The following ZPBP2 variants were observed in gnomAD, a reference collection of about 807,000 sequenced individuals.
ZPBP2 encodes the protein zona pellucida binding protein 2, also known as zona pellucida-binding protein 2.
ZPBP2 carries 34 observed loss-of-function variants against 37.5 expected under a neutral mutation model. That is an observed-to-expected ratio of 0.91 (90% CI 0.69 to 1.21). The LOEUF is 1.21. ZPBP2 is among the 50% of genes most tolerant of loss of function. The probability of loss-of-function intolerance (pLI) is 0.00; values close to 1 mark genes in which losing one functional copy is unlikely to be tolerated. For missense variants in ZPBP2, 397 were observed against 413.5 expected (o/e 0.96, Z 0.35); for synonymous variants, 143 against 138.4 (o/e 1.03, Z -0.23).
Position 39,876,903 on chromosome 17 carries a change from A to G in ZPBP2, c.*94A>G. 2.0e-6 allele frequency: 3 copies of G among 1,498,110 alleles called. No individual in the cohort carries two copies. The highest frequency in any genetic ancestry group is 2.7e-6 in the Non-Finnish European group (3 of 1,093,842). The allele number at this position is 1,498,110 out of a possible 1,614,324, so 92.8% of individuals were successfully genotyped here. A position where few individuals can be genotyped will look rare whatever the true frequency, so the allele number is the denominator to read the frequency against. ...ATAGATAGTTCCATTAAGTAAAATC[A>G]GTAAGACCAAACCACTGGAAAACAT... is the stretch of plus-strand genomic sequence containing the variant. On this transcript the variant is annotated 3_prime_UTR_variant, in exon 8 of 8. Coordinates refer to ENST00000348931, the MANE Select transcript of ZPBP2 (RefSeq NM_199321.3).
At chr17:39,869,743 C>T (rs1238918844) in intron 2 of ZPBP2, among the ~76,000 whole-genome samples, 5 of 130,880 alleles carry the variant, frequency 3.8e-5, no homozygotes, top group African/African-American at 8.7e-5. Flanking sequence ...GACAGCATCT[C>T]GCTCCATTGC....
chr17:39,870,875 T>C, intron 3 of ZPBP2, 56 bp downstream of exon 3: 1 of 1,312,446 alleles, frequency 7.6e-7, no homozygotes, highest in Non-Finnish European at 1.0e-6. Flanking sequence ...TTTTAGAAAA[T>C]CACTGTTACT....
chr17:39,873,059 CG>C lies in ZPBP2; in HGVS notation c.645del (p.Trp216GlyfsTer26). The C allele has an allele frequency of 6.2e-7, 1 of 1,610,608 alleles. No homozygotes were observed. Among genetic ancestry groups the C allele is most frequent in the Non-Finnish European group, 8.5e-7 (1 of 1,178,640 alleles). ...TTCTCTTCAGTTAATCCTTTTGCGC[CG>C]GGGTGGAAAGGTGCTTGCAATGGAT... is the stretch of plus-strand genomic sequence containing the variant. Reference protein sequence around the residue: ...FIAFQVNPFAPGWKGACNGSV... With the variant: ...FIAFQVNPFAXGWKGACNGSV... On this transcript the variant is annotated frameshift_variant, in exon 6 of 8. Coordinates refer to ENST00000348931, the MANE Select transcript of ZPBP2 (RefSeq NM_199321.3). LOFTEE classifies it high-confidence loss of function.
Position 39,876,692 on chromosome 17 carries a change from TC to T in ZPBP2, c.902del (p.Pro301LeufsTer10). 6.2e-7 allele frequency: 1 copy of T among 1,613,892 alleles called. No homozygotes were observed. Among genetic ancestry groups the T allele is most frequent in the Non-Finnish European group, 8.5e-7 (1 of 1,179,860 alleles). ...TGTTTTCCTCTGCAGTGGTTTGTAGTCCTGCGACTTTTAGTCCTGATGTTAA... is the reference window on the plus strand; with the variant it reads ...TGTTTTCCTCTGCAGTGGTTTGTAGTCTGCGACTTTTAGTCCTGATGTTAA... ...NCASCCVVCS[P>X]ATFSPDVNVT... On this transcript the variant is annotated frameshift_variant, in exon 8 of 8. Coordinates refer to ENST00000348931, the MANE Select transcript of ZPBP2 (RefSeq NM_199321.3). LOFTEE classifies it high-confidence loss of function.
At chr17:39,875,593 AT>A (rs71152615) in intron 7 of ZPBP2, among the ~76,000 whole-genome samples, 159 bp downstream of exon 7, 11,912 of 146,050 alleles carry the variant, frequency 0.082, 1,423 homozygotes, top group African/African-American at 0.27. Flanking sequence ...CAAAGCCCCA[AT>A]TTTTTTTTTT....
intron 2 of ZPBP2, among the ~76,000 whole-genome samples, chr17:39,869,636 C>T (rs2063352786): frequency 6.6e-6 from 1 of 151,098 alleles, no homozygotes; most frequent in Non-Finnish European, 1.5e-5. Flanking sequence ...AACTTCTGAC[C>T]TCAGGTGATC....
rs1249621790 is a variant in ZPBP2, at chr17:39,877,213, CAAA to C, written c.*408_*410del. On this transcript the variant is annotated 3_prime_UTR_variant, in exon 8 of 8. Coordinates refer to ENST00000348931, the MANE Select transcript of ZPBP2 (RefSeq NM_199321.3). ...GTGTATATTATCTTTGTATTAGAACCAAAAAAGTTATTTATTTTGGTCCCTATG... is the reference window on the plus strand; with the variant it reads ...GTGTATATTATCTTTGTATTAGAACCAAAGTTATTTATTTTGGTCCCTATG... 6.5e-6 allele frequency: 1 copy of C among 153,572 alleles called. No individual in the cohort carries two copies. The highest frequency in any genetic ancestry group is 1.5e-5 in the Non-Finnish European group (1 of 68,954). 9.5% of individuals were successfully genotyped at this position (153,572 alleles called of 1,614,324 possible).
At chr17:39,874,814 G>A (rs112389508) in intron 6 of ZPBP2, among the ~76,000 whole-genome samples, 4,114 of 152,032 alleles carry the variant, frequency 0.027, 76 homozygotes, top group Non-Finnish European at 0.042. Context: ...GCAGTGGCAC[G>A]ATCTCGGCTC....
rs778489821 is a variant in ZPBP2 at position 39,870,826 on chromosome 17, T to A, written c.244+7T>A. 31 of 1,488,986 alleles carry A rather than the reference T, an allele frequency of 2.1e-5. 1 individual carries two copies. Among genetic ancestry groups the A allele is most frequent in the Non-Finnish European group, 2.8e-5 (31 of 1,107,978 alleles). The allele number at this position is 1,488,986 out of a possible 1,614,324, so 92.2% of individuals were successfully genotyped here. On this transcript the variant is annotated splice_region_variant and intron_variant, in intron 3 of 7. Transcript: ENST00000348931. ...AATGAAAAGACGTTAACAGGTAAAT[T>A]TGATTTTAATATGTACTTTTTTAAT...
intron 7 of ZPBP2, among the ~76,000 whole-genome samples, chr17:39,875,883 CTTTTTT>C (rs34192567): frequency 6.3e-5 from 4 of 63,780 alleles, no homozygotes; most frequent in East Asian, 4.0e-4. Context: ...TGCTTGGCCC[CTTTTTT>C]TTTTTTTTTT....
chr17:39,868,249 C>A lies in ZPBP2; in HGVS notation c.-106C>A. 2 of 1,330,114 alleles carry A rather than the reference C, an allele frequency of 1.5e-6. No homozygotes were observed. Among genetic ancestry groups the A allele is most frequent in the East Asian group, 2.4e-5 (1 of 42,434 alleles). The allele number at this position is 1,330,114 out of a possible 1,614,324, so 82.4% of individuals were successfully genotyped here. A position where few individuals can be genotyped will look rare whatever the true frequency, so the allele number is the denominator to read the frequency against. On this transcript the variant is annotated 5_prime_UTR_variant, in exon 1 of 8. Coordinates refer to ENST00000348931, the MANE Select transcript of ZPBP2 (RefSeq NM_199321.3). ...GACGGACGGGTAGGGGAGGCGACCC[C>A]GGCGTTCTGCTCCGCACTGTGGAGG... is the stretch of plus-strand genomic sequence containing the variant.
In ZPBP2 at chr17:39,876,912, A is replaced by G; in HGVS notation, c.*103A>G. The G allele has an allele frequency of 7.1e-7, 1 of 1,403,880 alleles. No individual in the cohort carries two copies. Among genetic ancestry groups the G allele is most frequent in the Non-Finnish European group, 9.7e-7 (1 of 1,028,134 alleles). 87.0% of individuals were successfully genotyped at this position (1,403,880 alleles called of 1,614,324 possible). On this transcript the variant is annotated 3_prime_UTR_variant, in exon 8 of 8. Coordinates refer to ENST00000348931, the MANE Select transcript of ZPBP2 (RefSeq NM_199321.3). ...TCCATTAAGTAAAATCAGTAAGACC[A>G]AACCACTGGAAAACATGCATTTTGG...
chr17:39,868,657 G>A (rs750921828), intron 2 of ZPBP2, 43 bp downstream of exon 2: 3 of 1,609,194 alleles, frequency 1.9e-6, no homozygotes, highest in Non-Finnish European at 2.6e-6. Context: ...GGAGGGGCCG[G>A]AACTGCGAAG....
At chr17:39,869,665 A>G (rs1236847052) in intron 2 of ZPBP2, among the ~76,000 whole-genome samples, 8 of 149,674 alleles carry the variant, frequency 5.3e-5, no homozygotes, top group African/African-American at 1.7e-4. Context: ...TTAGCCTCCC[A>G]AAGTGCTGGG....
At chr17:39,869,962 C>A (rs2063355815) in intron 2 of ZPBP2, among the ~76,000 whole-genome samples, 1 of 146,844 alleles carries the variant, frequency 6.8e-6, no homozygotes, top group Non-Finnish European at 1.5e-5. Flanking sequence ...GACCCACCCA[C>A]CTTGGCCTCC....
At chr17:39,875,084 C>T (rs993661018) in intron 6 of ZPBP2, among the ~76,000 whole-genome samples, 170 bp from the exon 7 acceptor site, 2 of 152,238 alleles carry the variant, frequency 1.3e-5, no homozygotes, top group Admixed American at 6.5e-5. Context: ...TAATTGACAA[C>T]AGTTGATAAG....
Position 39,875,374 on chromosome 17 carries a change from A to G in ZPBP2, c.829A>G (p.Ser277Gly). The change falls in exon 7 of 8, where the codon AGC (serine) becomes GGC (glycine). Residue 277 changes from serine to glycine, a missense_variant. By Grantham distance (56) the Ser-to-Gly change is moderately conservative. Coordinates refer to ENST00000348931, the MANE Select transcript of ZPBP2 (RefSeq NM_199321.3). ...CAGTTTGCAAGTAGTACGTCTGGATAGCTGTCGACCAGGCTTTGGAAAAAA... is the reference window on the plus strand; with the variant it reads ...CAGTTTGCAAGTAGTACGTCTGGATGGCTGTCGACCAGGCTTTGGAAAAAA... ...DHSLQVVRLDSCRPGFGKNER... is the reference protein window; with the variant it reads ...DHSLQVVRLDGCRPGFGKNER... 6.2e-7 allele frequency: 1 copy of G among 1,614,038 alleles called. No individual in the cohort carries two copies. Among genetic ancestry groups the G allele is most frequent in the Middle Eastern group, 1.7e-4 (1 of 6,060 alleles).
chr17:39,872,255 C>CT lies in ZPBP2; in HGVS notation c.407-5dup, dbSNP rs748757931. ...TACGATTGTTTTCACTCTCATCTTTCTTTTTTTTTTAAAGCCTATCGGGAA... is the reference window on the plus strand; with the variant it reads ...TACGATTGTTTTCACTCTCATCTTTCTTTTTTTTTTTAAAGCCTATCGGGAA... On this transcript the variant is annotated splice_polypyrimidine_tract_variant and intron_variant, in intron 4 of 7. Coordinates refer to ENST00000348931, the MANE Select transcript of ZPBP2 (RefSeq NM_199321.3). The CT allele has an allele frequency of 3.2e-3, 4,247 of 1,333,258 alleles. No individual in the cohort carries two copies. The highest frequency in any genetic ancestry group is 6.8e-3 in the South Asian group (468 of 68,644). 82.6% of individuals were successfully genotyped at this position (1,333,258 alleles called of 1,614,324 possible).
rs936995697 is a variant in ZPBP2, at chr17:39,877,389, T to C, written c.*580T>C. ...CTCCTTACACAATTTCTCCTATTAT[T>C]AAGATGGTGCATTAGTGTGGCACAT... On this transcript the variant is annotated 3_prime_UTR_variant, in exon 8 of 8. Coordinates refer to ENST00000348931, the MANE Select transcript of ZPBP2 (RefSeq NM_199321.3). 1 of 152,176 alleles carries C rather than the reference T, an allele frequency of 6.6e-6. No individual in the cohort carries two copies. The highest frequency in any genetic ancestry group is 1.5e-5 in the Non-Finnish European group (1 of 68,034). 9.4% of individuals were successfully genotyped at this position (152,176 alleles called of 1,614,324 possible). A position where few individuals can be genotyped will look rare whatever the true frequency, so the allele number is the denominator to read the frequency against.
Sources: allele counts gnomAD v4.1 joint callset (sites outside exome capture counted in the v4.1 genomes callset), GRCh38; gene constraint gnomAD v4.1.1; transcripts MANE v1.5; gene names NCBI Gene and HGNC (gene_info 2026-07-23, HGNC 2026-07-21).